Variants in SGCZ observed in about 807,000 individuals in gnomAD.
SGCZ encodes the protein zeta-sarcoglycan.
SGCZ carries 40 observed loss-of-function variants against 41.3 expected under a neutral mutation model. The ratio of observed to expected loss-of-function variants is 0.97; its 90% CI spans 0.75 to 1.26. The LOEUF (loss-of-function observed/expected upper bound fraction) is 1.26, where lower values mean the gene tolerates loss of function less well. Among genes scored for constraint, SGCZ ranks in the 50% most tolerant of loss-of-function variants. The pLI, the probability that SGCZ is intolerant of heterozygous loss-of-function variation, is 0.00. For missense variants in SGCZ, 552 were observed against 369.8 expected, an observed-to-expected ratio of 1.49 and a Z score of -4.04; for synonymous variants, 206 against 137.5, an observed-to-expected ratio of 1.50 and a Z score of -3.49.
At chr8:14,983,981 C>G (rs1399990877) in intron 1 of SGCZ, among the ~76,000 whole-genome samples, 1 of 152,162 alleles carries the variant, frequency 6.6e-6, no homozygotes, top group Non-Finnish European at 1.5e-5. Flanking sequence ...GACTTATACC[C>G]AATCAGTACT....
At position 14,088,736 on chromosome 8, in the gene SGCZ, G is replaced by A. The variant is rs891810865; in HGVS notation, c.*1707C>T. Among the ~76,000 whole-genome samples, 6 of 151,772 alleles carry A rather than the reference G, an allele frequency of 4.0e-5. No individual in the cohort carries two copies. Among genetic ancestry groups the A allele is most frequent in the African/African-American group, 1.4e-4 (6 of 41,394 alleles). ...AGTACAGTGGAAATGAGCTTTTTCA[G>A]TTATTTGATATGCTAGGTTATGCAA... On this transcript the variant is annotated 3_prime_UTR_variant, in exon 8 of 8. Coordinates refer to ENST00000382080, the MANE Select transcript of SGCZ (RefSeq NM_139167.4).
At chr8:14,504,288 C>T (rs1802240385) in intron 2 of SGCZ, among the ~76,000 whole-genome samples, 1 of 152,180 alleles carries the variant, frequency 6.6e-6, no homozygotes, top group African/African-American at 2.4e-5. Flanking sequence ...GAAATGACTT[C>T]ACAAATATCT....
intron 4 of SGCZ, among the ~76,000 whole-genome samples, chr8:14,190,943 A>G (rs546301640): frequency 6.6e-6 from 1 of 152,180 alleles, no homozygotes; most frequent in Non-Finnish European, 1.5e-5. Context: ...CACTGGTTAC[A>G]TCAATCTACA....
intron 1 of SGCZ, among the ~76,000 whole-genome samples, chr8:14,923,891 T>C (rs533491272): frequency 6.6e-6 from 1 of 152,340 alleles, no homozygotes; most frequent in African/African-American, 2.4e-5. Context: ...ACGAAGATTA[T>C]TTTGAATGCA....
At chr8:14,736,032 C>T (rs1274587960) in intron 1 of SGCZ, among the ~76,000 whole-genome samples, 1 of 152,066 alleles carries the variant, frequency 6.6e-6, no homozygotes, top group Non-Finnish European at 1.5e-5. Flanking sequence ...AAGAAAATCA[C>T]ATCACAGGAT....
intron 1 of SGCZ, chr8:14,853,322 G>A (rs913234009): frequency 2.7e-5 from 8 of 300,492 alleles, no homozygotes; most frequent in African/African-American, 8.7e-5. Flanking sequence ...GTTAAACATG[G>A]CACTTTTCAT....
At chr8:14,139,460 A>G (rs1803300487) in intron 5 of SGCZ, among the ~76,000 whole-genome samples, 1 of 152,202 alleles carries the variant, frequency 6.6e-6, no homozygotes, top group East Asian at 1.9e-4. Context: ...ACTAATAAAG[A>G]AGAAAAGAAG....
intron 1 of SGCZ, among the ~76,000 whole-genome samples, chr8:15,225,643 G>A (rs565935637): frequency 2.6e-5 from 4 of 152,278 alleles, no homozygotes; most frequent in African/African-American, 9.6e-5. Flanking sequence ...AATGGGAAAT[G>A]ACAATGAATT....
chr8:15,127,232 GCACA>G (rs892939125), intron 1 of SGCZ, among the ~76,000 whole-genome samples: 2 of 69,674 alleles, frequency 2.9e-5, no homozygotes, highest in African/African-American at 7.4e-5. Flanking sequence ...ACATCTATAG[GCACA>G]CACACACACA....
At chr8:14,967,065 A>C (rs1003969420) in intron 1 of SGCZ, among the ~76,000 whole-genome samples, 1 of 152,120 alleles carries the variant, frequency 6.6e-6, no homozygotes, top group Non-Finnish European at 1.5e-5. Context: ...AGATTAAGTC[A>C]CTCTTTCATT....
chr8:14,918,886 A>G (rs574393212), intron 1 of SGCZ, among the ~76,000 whole-genome samples: 2 of 152,334 alleles, frequency 1.3e-5, no homozygotes, highest in African/African-American at 2.4e-5. Flanking sequence ...TGAAAACTGA[A>G]TGGATACATA....
intron 2 of SGCZ, among the ~76,000 whole-genome samples, chr8:14,327,676 G>A (rs578099897): frequency 9.9e-5 from 15 of 152,246 alleles, no homozygotes; most frequent in African/African-American, 3.1e-4. Flanking sequence ...CTTGAGCTTC[G>A]TGTGTTTTCT....
At chr8:14,951,483 T>C (rs1800636439) in intron 1 of SGCZ, among the ~76,000 whole-genome samples, 1 of 152,012 alleles carries the variant, frequency 6.6e-6, no homozygotes. Context: ...GATTATATGG[T>C]GAGATAATAA....
intron 1 of SGCZ, among the ~76,000 whole-genome samples, chr8:14,718,520 TA>T (rs1457909224): frequency 6.6e-6 from 1 of 152,050 alleles, no homozygotes; most frequent in Non-Finnish European, 1.5e-5. Flanking sequence ...TCTTATAAAT[TA>T]AATATTGAAA....
chr8:14,235,403 A>G (rs1357669461), intron 4 of SGCZ, among the ~76,000 whole-genome samples: 2 of 152,202 alleles, frequency 1.3e-5, no homozygotes, highest in African/African-American at 2.4e-5. Flanking sequence ...CATTAACTTA[A>G]TAATTTGCTG....
chr8:15,055,089 G>A (rs924227891), intron 1 of SGCZ, among the ~76,000 whole-genome samples: 3 of 152,000 alleles, frequency 2.0e-5, no homozygotes, highest in African/African-American at 7.3e-5. Flanking sequence ...CATCCTTGTG[G>A]TAGGGTACAC....
intron 1 of SGCZ, among the ~76,000 whole-genome samples, chr8:14,579,841 G>C (rs1445890619): frequency 6.6e-6 from 1 of 152,190 alleles, no homozygotes; most frequent in African/African-American, 2.4e-5. Context: ...GTTAGGTGCA[G>C]TTCTACATTT....
chr8:14,126,551 T>C (rs776057237), intron 5 of SGCZ, among the ~76,000 whole-genome samples: 3 of 152,330 alleles, frequency 2.0e-5, no homozygotes, highest in Middle Eastern at 3.4e-3. Context: ...TGAAAATTAG[T>C]GTAACAATTG....
chr8:14,374,362 T>A (rs1804028468), intron 2 of SGCZ, among the ~76,000 whole-genome samples: 1 of 151,998 alleles, frequency 6.6e-6, no homozygotes, highest in South Asian at 2.1e-4. Flanking sequence ...GAAAAAAAGA[T>A]GATTTGGTAC....
Sources: gnomAD v4.1 joint callset for allele counts (sites outside exome capture counted in the v4.1 genomes callset) on GRCh38, gnomAD v4.1.1 for gene constraint, MANE v1.5 for transcripts, NCBI Gene and HGNC (gene_info 2026-07-23, HGNC 2026-07-21) for gene names.